Variants in MAMDC2 observed in about 807,000 individuals in gnomAD.
MAMDC2 encodes the protein MAM domain containing 2.
Under a neutral mutation model 89.8 loss-of-function variants are expected in MAMDC2, and 57 were observed. That is an observed-to-expected ratio of 0.63 (90% CI 0.51 to 0.79). The LOEUF (loss-of-function observed/expected upper bound fraction) is 0.79. Among genes scored for constraint, MAMDC2 ranks in the 30% least tolerant of loss-of-function variants. The pLI is 0.00. For synonymous variants in MAMDC2, 313 were observed against 293.4 expected (o/e 1.07, Z -0.68); for missense variants, 800 against 820.6 (o/e 0.97, Z 0.31).
intron 12 of MAMDC2, among the ~76,000 whole-genome samples, chr9:70,221,370 T>TAGAGAG (rs1274916631): frequency 1.4e-4 from 1 of 7,158 alleles, no homozygotes; most frequent in Non-Finnish European, 2.9e-4. Context: ...TATATATATA[T>TAGAGAG]ATATATATAT....
intron 2 of MAMDC2, among the ~76,000 whole-genome samples, chr9:70,046,596 C>G (rs1424937540): frequency 6.6e-6 from 1 of 152,218 alleles, no homozygotes; most frequent in Non-Finnish European, 1.5e-5. Context: ...CCTCCCAGAC[C>G]CACAGGAAGT....
At chr9:70,130,913 G>T (rs991723185) in intron 6 of MAMDC2, among the ~76,000 whole-genome samples, 1 of 152,194 alleles carries the variant, frequency 6.6e-6, no homozygotes, top group Non-Finnish European at 1.5e-5. Flanking sequence ...CACTTCAGCT[G>T]ACATTCAAGG....
intron 11 of MAMDC2, among the ~76,000 whole-genome samples, chr9:70,206,092 A>G (rs911133074): frequency 5.3e-5 from 8 of 152,204 alleles, no homozygotes; most frequent in Non-Finnish European, 1.0e-4. Flanking sequence ...ATGTTTGTCT[A>G]CATTACTCTA....
intron 2 of MAMDC2, among the ~76,000 whole-genome samples, chr9:70,101,146 G>C (rs1336077407): frequency 6.6e-6 from 1 of 152,010 alleles, no homozygotes; most frequent in African/African-American, 2.4e-5. Context: ...TTAACAAAAA[G>C]TTTGAAAAGT....
chr9:70,211,595 T>C (rs1047393281), intron 11 of MAMDC2, among the ~76,000 whole-genome samples: 2 of 152,122 alleles, frequency 1.3e-5, no homozygotes, highest in Non-Finnish European at 2.9e-5. Flanking sequence ...CTATTAGTTA[T>C]TACCGATCGT....
chr9:70,079,297 G>T (rs1451113009), intron 2 of MAMDC2: 1 of 152,180 alleles, frequency 6.6e-6, no homozygotes, highest in Non-Finnish European at 1.5e-5. Flanking sequence ...GGCACAGACT[G>T]TTGTGTACAA....
intron 2 of MAMDC2, among the ~76,000 whole-genome samples, chr9:70,075,803 G>T (rs558431421): frequency 6.6e-6 from 1 of 152,324 alleles, no homozygotes; most frequent in African/African-American, 2.4e-5. Context: ...CACCCCAAGT[G>T]TCTAGCAAAG....
chr9:70,180,547 G>A (rs943882584), intron 11 of MAMDC2, among the ~76,000 whole-genome samples: 4 of 152,116 alleles, frequency 2.6e-5, no homozygotes, highest in African/African-American at 4.8e-5. Context: ...ACTTTTTAAT[G>A]ATTGCCATTC....
chr9:70,194,655 C>T (rs937719495), intron 11 of MAMDC2: 1 of 152,068 alleles, frequency 6.6e-6, no homozygotes, highest in East Asian at 1.9e-4. Context: ...CATAGTGTGG[C>T]TCTGATGATT....
chr9:70,126,011 C>G, intron 5 of MAMDC2, 148 bp from the exon 6 acceptor site: 1 of 846,782 alleles, frequency 1.2e-6, no homozygotes, highest in Non-Finnish European at 1.8e-6. Context: ...CACTCATGGC[C>G]AAACCTCTGT....
chr9:70,132,241 A>T (rs2030838516), intron 7 of MAMDC2, among the ~76,000 whole-genome samples: 1 of 152,204 alleles, frequency 6.6e-6, no homozygotes, highest in South Asian at 2.1e-4. Flanking sequence ...TAGGTAAGCA[A>T]ATTGATTCAA....
intron 5 of MAMDC2, among the ~76,000 whole-genome samples, chr9:70,125,958 T>A (rs767128065): frequency 2.0e-5 from 3 of 152,184 alleles, no homozygotes; most frequent in Non-Finnish European, 4.4e-5. Context: ...CAGAGTGCAA[T>A]GAACCCCATG....
intron 9 of MAMDC2, among the ~76,000 whole-genome samples, chr9:70,166,935 A>G (rs941994027): frequency 1.3e-5 from 2 of 152,198 alleles, no homozygotes; most frequent in African/African-American, 4.8e-5. Flanking sequence ...TCAGTAAATT[A>G]TGAGATGGAT....
intron 2 of MAMDC2, among the ~76,000 whole-genome samples, chr9:70,047,870 T>C (rs914393448): frequency 7.2e-5 from 11 of 152,324 alleles, no homozygotes; most frequent in African/African-American, 2.6e-4. Flanking sequence ...TTTCTGAGGT[T>C]CATGCCTTTG....
chr9:70,097,954 C>G (rs1476508187), intron 2 of MAMDC2, among the ~76,000 whole-genome samples: 1 of 152,120 alleles, frequency 6.6e-6, no homozygotes, highest in African/African-American at 2.4e-5. Context: ...AAAACATGCA[C>G]TGAAAAGACA....
rs1021147950 is a variant in MAMDC2, at chr9:70,044,807, A to G, written c.148+110A>G. Reference sequence around the variant, plus strand: ...TTGGAGTTAATTCTCCGCGGCAAGAAAAGTGTGAGTCATGGATCCTCCTTC... The same window carrying G: ...TTGGAGTTAATTCTCCGCGGCAAGAGAAGTGTGAGTCATGGATCCTCCTTC... On this transcript the variant is annotated intron_variant, in intron 2 of 13. Coordinates refer to ENST00000377182, the MANE Select transcript of MAMDC2 (RefSeq NM_153267.5). 15 of 839,520 alleles carry G rather than the reference A, an allele frequency of 1.8e-5. No homozygotes were observed. In the African/African-American group the frequency reaches 2.0e-4, roughly 11 times the overall value. 52.0% of individuals were successfully genotyped at this position (839,520 alleles called of 1,614,324 possible).
intron 2 of MAMDC2, among the ~76,000 whole-genome samples, chr9:70,065,718 A>T (rs1827249127): frequency 6.6e-6 from 1 of 152,158 alleles, no homozygotes; most frequent in Non-Finnish European, 1.5e-5. Flanking sequence ...GGGTTGAGAC[A>T]TTGAGTGGAG....
At chr9:70,115,399 G>A (rs912932482) in intron 5 of MAMDC2, among the ~76,000 whole-genome samples, 1 of 151,376 alleles carries the variant, frequency 6.6e-6, no homozygotes, top group Non-Finnish European at 1.5e-5. Flanking sequence ...CTGTTGCACA[G>A]GCTGGAGTGC....
At chr9:70,135,665 C>T (rs2030976749) in intron 7 of MAMDC2, among the ~76,000 whole-genome samples, 1 of 152,006 alleles carries the variant, frequency 6.6e-6, no homozygotes, top group Non-Finnish European at 1.5e-5. Flanking sequence ...GTTTTAGGTT[C>T]ACAGCAAAAT....
Sources: gnomAD v4.1 joint callset for allele counts (sites outside exome capture counted in the v4.1 genomes callset) on GRCh38, gnomAD v4.1.1 for gene constraint, MANE v1.5 for transcripts, NCBI Gene and HGNC (gene_info 2026-07-23, HGNC 2026-07-21) for gene names.